The following AKAP8 variants were observed in gnomAD, a reference collection of about 807,000 sequenced individuals.
AKAP8 encodes the protein A-kinase anchoring protein 8, also known as A-kinase anchor protein 8.
Under a neutral mutation model 67.5 loss-of-function variants are expected in AKAP8, and 24 were observed. The ratio of observed to expected loss-of-function variants is 0.36; its 90% CI spans 0.26 to 0.50. The LOEUF (loss-of-function observed/expected upper bound fraction) is 0.50, where lower values mean the gene tolerates loss of function less well. AKAP8 is among the 20% of genes least tolerant of loss of function. The probability of loss-of-function intolerance (pLI) is 0.97; values close to 1 mark genes in which losing one functional copy is unlikely to be tolerated. For missense variants in AKAP8, 971 were observed against 955.9 expected (o/e 1.02, Z -0.21); for synonymous variants, 400 against 371.1 (o/e 1.08, Z -0.90).
chr19:15,360,996 T>C lies in AKAP8; in HGVS notation c.1397-18A>G, dbSNP rs1395266671. On this transcript the variant is annotated intron_variant, in intron 11 of 13. Coordinates refer to ENST00000269701, the MANE Select transcript of AKAP8 (RefSeq NM_005858.4). ...GCCAATCCCTGCCAGGAAACGCATG[T>C]CTTGTAGGATCTGGGACAGCAAGTG... The C allele has an allele frequency of 1.2e-6, 2 of 1,610,110 alleles. No individual in the cohort carries two copies. Among genetic ancestry groups the C allele is most frequent in the East Asian group, 4.5e-5 (2 of 44,832 alleles).
Position 15,361,749 on chromosome 19 carries a change from G to A in AKAP8, c.1376C>T (p.Pro459Leu), listed in dbSNP as rs374602063. 8.1e-6 allele frequency: 13 copies of A among 1,613,298 alleles called. No individual in the cohort carries two copies. Among genetic ancestry groups the A allele is most frequent in the Admixed American group, 1.7e-5 (1 of 59,990 alleles). ...CTCACCTTTGAAAGGATCTGGTTTT[G>A]GTTTTGCGGTTTCTTTCTCCATCAA... ...QELMEKETAKPKPDPFKGIGQ... is the reference protein window; with the variant it reads ...QELMEKETAKLKPDPFKGIGQ... The change falls in exon 11 of 14, where the codon CCA (proline) becomes CTA (leucine). Residue 459 changes from proline (P) to leucine (L), a missense_variant. Around this residue, in one of 3 missense-constraint regions of AKAP8, gnomAD observed 763 missense variants for 745.4 expected, o/e 1.02. Coordinates refer to ENST00000269701, the MANE Select transcript of AKAP8 (RefSeq NM_005858.4).
At chr19:15,363,156 G>A (rs1479392405) in intron 9 of AKAP8, among the ~76,000 whole-genome samples, 5 of 150,150 alleles carry the variant, frequency 3.3e-5, no homozygotes, top group African/African-American at 9.8e-5. Context: ...GAGCCCCTCC[G>A]CCCAGCAGCC....
Position 15,369,297 on chromosome 19 carries a change from A to G in AKAP8, c.1072+849T>C, listed in dbSNP as rs1967116822. 1 of 982,416 alleles carries G rather than the reference A, an allele frequency of 1.0e-6. No individual in the cohort carries two copies. Among genetic ancestry groups the G allele is most frequent in the Non-Finnish European group, 1.2e-6 (1 of 827,166 alleles). 60.9% of individuals were successfully genotyped at this position (982,416 alleles called of 1,614,324 possible). ...GCGCTCGGGGCGCCCCGTGCTATGG[A>G]CAGGACTGCTGCGGGTCGCGGGGGG... On this transcript the variant is annotated intron_variant, in intron 8 of 13. Coordinates refer to ENST00000269701, the MANE Select transcript of AKAP8 (RefSeq NM_005858.4). The surrounding 1 kb of genome is among the most constrained non-coding windows in gnomAD (Gnocchi z 4.6).
At chr19:15,372,697 G>A (rs1347945585) in intron 5 of AKAP8, among the ~76,000 whole-genome samples, 154 bp downstream of exon 5, 4 of 152,148 alleles carry the variant, frequency 2.6e-5, no homozygotes, top group African/African-American at 4.8e-5. Context: ...AGACTGTGAT[G>A]GTGGGGATGG....
chr19:15,373,042 A>G lies in AKAP8; in HGVS notation c.670T>C (p.Trp224Arg). The G allele has an allele frequency of 6.3e-7, 1 of 1,599,588 alleles. No homozygotes were observed. The highest frequency in any genetic ancestry group is 8.5e-7 in the Non-Finnish European group (1 of 1,171,222). Residue 224 changes from tryptophan (W) to arginine (R), a missense_variant, in exon 5 of 14, where the codon TGG (tryptophan) becomes CGG (arginine). Physicochemically the swap from Trp to Arg is moderately radical, Grantham distance 101. Transcript: ENST00000269701. The stretch of plus-strand genomic sequence containing the variant: ...CCACCCACGTAGTTCAGCTCGTTCC[A>G]GGGCGTGGACAGGGGCTCAGAGGAC... ...AASSEPLSTPWNELNYVGGRG... is the reference protein window; with the variant it reads ...AASSEPLSTPRNELNYVGGRG...
At chr19:15,372,769 G>A (rs1967181540) in intron 5 of AKAP8, 82 bp downstream of exon 5, 4 of 1,438,292 alleles carry the variant, frequency 2.8e-6, no homozygotes, top group East Asian at 4.9e-5. Flanking sequence ...TTAAGTGAAT[G>A]TTGAGATGGG....
rs1966977627 is a variant in AKAP8 at position 15,362,173 on chromosome 19, A to G, written c.1239T>C (p.Phe413=). Residue 413 remains phenylalanine (F), a synonymous_variant, in exon 10 of 14, where the codon TTT becomes TTC. Coordinates refer to ENST00000269701, the MANE Select transcript of AKAP8 (RefSeq NM_005858.4). ...TTATGAACCGCAGGGTCTCTTTGTG[A>G]AATTTGCTTTGCAGATGCTTCTGGA... ...EEIQKHLQSK[F]HKETLRFIST... 1 of 1,613,964 alleles carries G rather than the reference A, an allele frequency of 6.2e-7. No homozygotes were observed. The highest frequency in any genetic ancestry group is 8.5e-7 in the Non-Finnish European group (1 of 1,180,010).
intron 7 of AKAP8, among the ~76,000 whole-genome samples, chr19:15,370,732 A>T (rs949462493): frequency 2.9e-5 from 4 of 139,404 alleles, no homozygotes; most frequent in African/African-American, 1.1e-4. Context: ...CCTGGGTTGA[A>T]GCAAATCCTC....
chr19:15,362,056 C>A, intron 10 of AKAP8, 54 bp downstream of exon 10: 1 of 1,601,572 alleles, frequency 6.2e-7, no homozygotes, highest in South Asian at 1.1e-5. Context: ...TCAAGGGATC[C>A]GGCACCTGCG....
intron 12 of AKAP8, among the ~76,000 whole-genome samples, chr19:15,359,600 C>T (rs992526198): frequency 2.6e-5 from 4 of 151,958 alleles, no homozygotes; most frequent in Non-Finnish European, 4.4e-5. Context: ...CCCGTAATCC[C>T]AGCTACTCAG....
intron 9 of AKAP8, among the ~76,000 whole-genome samples, chr19:15,363,032 C>T (rs571974100): frequency 7.7e-4 from 116 of 150,770 alleles, no homozygotes; most frequent in African/African-American, 2.8e-3. Flanking sequence ...ATGTGAGGAG[C>T]GTCTCTGCCT....
At chr19:15,373,399 C>G (rs756172635) in intron 4 of AKAP8, 59 bp from the exon 5 acceptor site, 27 of 1,537,220 alleles carry the variant, frequency 1.8e-5, no homozygotes, top group African/African-American at 2.7e-5. Flanking sequence ...TGCCACACTC[C>G]CTCAGTATAA....
chr19:15,375,937 C>CT (rs1020482101), intron 2 of AKAP8, among the ~76,000 whole-genome samples: 1,813 of 143,962 alleles, frequency 0.013, 43 homozygotes, highest in African/African-American at 0.042. Flanking sequence ...CGTGCCTGGC[C>CT]TTTTTTTTTT....
At chr19:15,374,452 C>A in intron 3 of AKAP8, 151 bp downstream of exon 3, 1 of 932,844 alleles carries the variant, frequency 1.1e-6, no homozygotes, top group South Asian at 1.7e-5. Flanking sequence ...CTGCAGTCCC[C>A]CCATATACAC....
chr19:15,379,450 C>G (rs1967330255), intron 1 of AKAP8: 2 of 456,240 alleles, frequency 4.4e-6, no homozygotes, highest in African/African-American at 4.2e-5. Context: ...GACGCCCCCA[C>G]GAAGCCCACC....
intron 9 of AKAP8, among the ~76,000 whole-genome samples, chr19:15,364,152 T>C (rs893973454): frequency 2.3e-5 from 3 of 132,516 alleles, no homozygotes; most frequent in African/African-American, 8.2e-5. Context: ...TAATTTTTTT[T>C]CTTTCCTTTT....
chr19:15,374,632 G>A lies in AKAP8; in HGVS notation c.62C>T (p.Ala21Val). The A allele has an allele frequency of 6.2e-7, 1 of 1,613,040 alleles. No homozygotes were observed. The highest frequency in any genetic ancestry group is 8.5e-7 in the Non-Finnish European group (1 of 1,179,422). The change falls in exon 3 of 14, where the codon GCA becomes GTA. Residue 21 changes from alanine to valine, a missense_variant. Around this residue, in one of 3 missense-constraint regions of AKAP8, gnomAD observed 763 missense variants for 745.4 expected, o/e 1.02. Transcript: ENST00000269701. ...WSAGPANTQG[A>V]YGTGVASWQG... ...CCAGCTGGCCACACCAGTTCCATAT[G>A]CACCTTAGGGGAAACAGAAACACAC...
At chr19:15,378,463 A>G (rs1967296598) in intron 1 of AKAP8, among the ~76,000 whole-genome samples, 1 of 152,192 alleles carries the variant, frequency 6.6e-6, no homozygotes, top group Admixed American at 6.5e-5. Context: ...TCTCCAAACT[A>G]AGAATGAAAA....
At chr19:15,374,188 C>A (rs1967212292) in intron 3 of AKAP8, 123 bp from the exon 4 acceptor site, 2 of 1,173,948 alleles carry the variant, frequency 1.7e-6, no homozygotes, top group African/African-American at 3.1e-5. Context: ...CCCAGTGCTG[C>A]TGGCATCACT....
Sources: gnomAD v4.1 joint callset for allele counts (sites outside exome capture counted in the v4.1 genomes callset) on GRCh38, gnomAD v4.1.1 for gene constraint, gnomAD v4.1.1 regional missense constraint, Gnocchi (gnomAD v3.1) non-coding constraint, MANE v1.5 for transcripts, NCBI Gene and HGNC (gene_info 2026-07-23, HGNC 2026-07-21) for gene names.